Variants in MAGI1 observed in about 807,000 individuals in gnomAD.
MAGI1 encodes the protein membrane associated guanylate kinase, WW and PDZ domain containing 1.
Under a neutral mutation model 139.9 loss-of-function variants are expected in MAGI1, and 58 were observed. The ratio of observed to expected loss-of-function variants is 0.41; its 90% CI spans 0.34 to 0.52. The LOEUF (loss-of-function observed/expected upper bound fraction) is 0.52. MAGI1 is among the 20% of genes least tolerant of loss of function. The pLI is 0.12. For synonymous variants in MAGI1, 812 were observed against 737.9 expected, an observed-to-expected ratio of 1.10 and a Z score of -1.63; for missense variants, 1,874 against 1,901.6, an observed-to-expected ratio of 0.99 and a Z score of 0.27.
intron 5 of MAGI1, among the ~76,000 whole-genome samples, chr3:65,459,718 T>C (rs1457249467): frequency 6.6e-6 from 1 of 151,766 alleles, no homozygotes. Flanking sequence ...AGCCCAGGAG[T>C]TGGAGACCAG....
intron 1 of MAGI1, among the ~76,000 whole-genome samples, chr3:65,968,525 A>G (rs903878075): frequency 6.6e-6 from 1 of 152,062 alleles, no homozygotes; most frequent in African/African-American, 2.4e-5. Flanking sequence ...AAAAACAAGG[A>G]GCAGAAACTC....
At chr3:66,006,826 G>GTTTTT (rs1439431430) in intron 1 of MAGI1, among the ~76,000 whole-genome samples, 1 of 150,634 alleles carries the variant, frequency 6.6e-6, no homozygotes, top group Non-Finnish European at 1.5e-5. Flanking sequence ...GTTTTGTTTT[G>GTTTTT]TTTTGTTTTG....
intron 2 of MAGI1, among the ~76,000 whole-genome samples, chr3:65,544,755 T>C (rs1241706908): frequency 2.0e-5 from 3 of 152,166 alleles, no homozygotes; most frequent in Non-Finnish European, 4.4e-5. Context: ...GCCTAACTGA[T>C]AGCACCGGGC....
intron 2 of MAGI1, among the ~76,000 whole-genome samples, chr3:65,499,912 A>G (rs573544259): frequency 7.9e-5 from 12 of 152,346 alleles, no homozygotes; most frequent in African/African-American, 2.9e-4. Flanking sequence ...AATGGTATCA[A>G]TAGGCAGGTA....
intron 13 of MAGI1, among the ~76,000 whole-genome samples, chr3:65,397,174 C>T (rs932589413): frequency 1.3e-5 from 2 of 152,180 alleles, no homozygotes; most frequent in Non-Finnish European, 2.9e-5. Context: ...GGTTGTCACA[C>T]AAGTGGCATC....
At chr3:65,510,080 T>G (rs1237140323) in intron 2 of MAGI1, among the ~76,000 whole-genome samples, 4 of 151,990 alleles carry the variant, frequency 2.6e-5, no homozygotes. Flanking sequence ...CCAACAGACC[T>G]GCAGCTGAGG....
intron 1 of MAGI1, among the ~76,000 whole-genome samples, chr3:65,631,194 T>A (rs191622061): frequency 3.9e-5 from 6 of 152,146 alleles, no homozygotes; most frequent in Non-Finnish European, 7.3e-5. Context: ...CTGATACAGT[T>A]TGGTGACATG....
At chr3:65,534,289 C>A (rs2078850515) in intron 2 of MAGI1, among the ~76,000 whole-genome samples, 1 of 151,976 alleles carries the variant, frequency 6.6e-6, no homozygotes, top group South Asian at 2.1e-4. Flanking sequence ...TGGGACCAGC[C>A]TGGGCAAGAT....
At chr3:65,916,439 A>G (rs2061910566) in intron 1 of MAGI1, among the ~76,000 whole-genome samples, 1 of 152,198 alleles carries the variant, frequency 6.6e-6, no homozygotes, top group Non-Finnish European at 1.5e-5. Context: ...GAGGCCTCAC[A>G]ATCATGGCAG....
intron 2 of MAGI1, among the ~76,000 whole-genome samples, chr3:65,494,659 T>C (rs1387705195): frequency 6.6e-6 from 1 of 152,242 alleles, no homozygotes; most frequent in Non-Finnish European, 1.5e-5. Context: ...TAAGCAACGA[T>C]ATTTCCCTAT....
intron 1 of MAGI1, among the ~76,000 whole-genome samples, chr3:65,916,425 TG>T (rs1166449387): frequency 4.6e-5 from 7 of 152,136 alleles, no homozygotes; most frequent in Non-Finnish European, 5.9e-5. Context: ...TCCATGTGGC[TG>T]GGGAGGCCTC....
At chr3:65,359,063 C>A in intron 22 of MAGI1, 7 of 1,613,478 alleles carry the variant, frequency 4.3e-6, no homozygotes, top group Non-Finnish European at 5.9e-6. Flanking sequence ...GAGCTACAAA[C>A]CGTAGTTTGA....
At chr3:65,397,928 T>C (rs1559522322) in intron 13 of MAGI1, among the ~76,000 whole-genome samples, 1 of 152,190 alleles carries the variant, frequency 6.6e-6, no homozygotes, top group Non-Finnish European at 1.5e-5. Flanking sequence ...TTATCCAATA[T>C]TGGCACTGGG....
chr3:65,731,207 G>A (rs1339880797), intron 1 of MAGI1, among the ~76,000 whole-genome samples: 1 of 152,198 alleles, frequency 6.6e-6, no homozygotes, highest in Non-Finnish European at 1.5e-5. Context: ...CCTGTCTTCA[G>A]AATGTAATAG....
At chr3:65,409,761 T>C (rs992977006) in intron 12 of MAGI1, among the ~76,000 whole-genome samples, 2 of 152,180 alleles carry the variant, frequency 1.3e-5, no homozygotes, top group Non-Finnish European at 2.9e-5. Flanking sequence ...GATGAAGACA[T>C]TCTTTCCTTT....
intron 1 of MAGI1, among the ~76,000 whole-genome samples, chr3:65,959,601 TTTATTATTATTATTA>T (rs34295973): frequency 4.9e-4 from 63 of 127,310 alleles, no homozygotes; most frequent in Admixed American, 1.8e-3. Flanking sequence ...TCCCAGCATT[TTTATTATTATTATTA>T]TTATTATTAT....
At chr3:65,428,906 G>C (rs1031892032) in intron 12 of MAGI1, among the ~76,000 whole-genome samples, 2 of 152,056 alleles carry the variant, frequency 1.3e-5, no homozygotes, top group Admixed American at 1.3e-4. Flanking sequence ...AGCTGGGAAA[G>C]GACCATTCCA....
chr3:65,680,837 A>T (rs2087546037), intron 1 of MAGI1, among the ~76,000 whole-genome samples: 1 of 151,442 alleles, frequency 6.6e-6, no homozygotes, highest in Admixed American at 6.6e-5. Flanking sequence ...GATAGCAATT[A>T]TGGGACAACC....
intron 1 of MAGI1, among the ~76,000 whole-genome samples, chr3:65,743,351 C>A (rs750312192): frequency 6.6e-6 from 1 of 152,188 alleles, no homozygotes; most frequent in African/African-American, 2.4e-5. Context: ...TTATATTCCA[C>A]CATCTTCCTT....
Sources: gnomAD v4.1 joint callset for allele counts (sites outside exome capture counted in the v4.1 genomes callset) on GRCh38, gnomAD v4.1.1 for gene constraint, MANE v1.5 for transcripts, NCBI Gene and HGNC (gene_info 2026-07-23, HGNC 2026-07-21) for gene names.